DSCAML1: variants seen among roughly 807,000 people sequenced by gnomAD.
The protein encoded by DSCAML1 is DS cell adhesion molecule like 1.
DSCAML1 carries 38 observed loss-of-function variants against 200.5 expected under a neutral mutation model. The observed-to-expected ratio is 0.19, with a 90% CI of 0.15 to 0.25. The LOEUF is 0.25. Ranked by LOEUF, DSCAML1 falls within the 10% of genes least tolerant of loss-of-function variation. DSCAML1 has a pLI of 1.00. For synonymous variants in DSCAML1, 1,215 were observed against 1,165.0 expected (o/e 1.04, Z -0.87); for missense variants, 2,223 against 2,858.8 (o/e 0.78, Z 5.07).
At position 117,588,527 on chromosome 11, in the gene DSCAML1, C is replaced by T. The variant is rs151126551; in HGVS notation, c.512-56005G>A. On this transcript the variant is annotated intron_variant, in intron 3 of 32. Coordinates refer to ENST00000651296, the MANE Select transcript of DSCAML1 (RefSeq NM_020693.4). ...AGCCGGTGCATTGAGGGGTGTGAAG[C>T]GTTTTGTAGGTTATCATGCAAACAC... is the stretch of plus-strand genomic sequence containing the variant. Among the ~76,000 whole-genome samples, 587 of 152,276 alleles carry T rather than the reference C, an allele frequency of 3.9e-3. 4 individuals are homozygous for T. The highest frequency in any genetic ancestry group is 0.012 in the African/African-American group (491 of 41,564).
chr11:117,577,083 T>A lies in DSCAML1; in HGVS notation c.512-44561A>T, dbSNP rs373275946. On this transcript the variant is annotated intron_variant, in intron 3 of 32. Transcript: ENST00000651296. Reference sequence around the variant, plus strand: ...GAGTGTGATGGACGGAGCCCCACATTAGGTAACAGGAGCCTGTGGTCTAAC... The same window carrying A: ...GAGTGTGATGGACGGAGCCCCACATAAGGTAACAGGAGCCTGTGGTCTAAC... Among the ~76,000 whole-genome samples, 78 of 152,252 alleles carry A rather than the reference T, an allele frequency of 5.1e-4. 1 individual carries two copies. In the South Asian group the frequency reaches 0.016, roughly 31 times the overall value.
rs149768648 is a variant in DSCAML1 at position 117,432,703 on chromosome 11, C to T, written c.5027-199G>A. ...TGCTCACTGCAGCCGCCTCAATCTC[C>T]TGGGCTCAAGCTATCCTCCTACCTC... is the stretch of plus-strand genomic sequence containing the variant. On this transcript the variant is annotated intron_variant, in intron 29 of 32. Coordinates refer to ENST00000651296, the MANE Select transcript of DSCAML1 (RefSeq NM_020693.4). 7.4e-3 allele frequency among the ~76,000 whole-genome samples: 1,127 copies of T among 151,918 alleles called. 5 individuals carry two copies. Among genetic ancestry groups the T allele is most frequent in the South Asian group, 0.013 (63 of 4,790 alleles).
At chr11:117,733,246 A>G (rs1184308860) in intron 3 of DSCAML1, among the ~76,000 whole-genome samples, 2 of 152,136 alleles carry the variant, frequency 1.3e-5, no homozygotes, top group African/African-American at 4.8e-5. Context: ...TGCTCTCCCC[A>G]TTTAGGCCCT....
intron 3 of DSCAML1, 66 bp from the exon 4 acceptor site, chr11:117,532,588 CG>C: frequency 6.8e-7 from 1 of 1,479,422 alleles, no homozygotes; most frequent in Non-Finnish European, 9.2e-7. Flanking sequence ...GGCAGGGTAG[CG>C]TCTCTGACAG....
chr11:117,680,672 G>T (rs2053295073), intron 3 of DSCAML1, among the ~76,000 whole-genome samples: 1 of 152,178 alleles, frequency 6.6e-6, no homozygotes, highest in South Asian at 2.1e-4. Flanking sequence ...TTCCTCAGTG[G>T]GATCACCAGG....
chr11:117,745,752 G>A (rs969036569), intron 3 of DSCAML1, among the ~76,000 whole-genome samples: 6 of 152,192 alleles, frequency 3.9e-5, no homozygotes, highest in African/African-American at 9.7e-5. Flanking sequence ...CTCTGCCTGG[G>A]TTCAAATCCC....
At chr11:117,796,992 GC>G in intron 1 of DSCAML1, 41 bp downstream of exon 1, 1 of 1,329,942 alleles carries the variant, frequency 7.5e-7, no homozygotes, top group Non-Finnish European at 9.7e-7. Flanking sequence ...CGCCACCCTG[GC>G]CCCGCCGCCT....
intron 3 of DSCAML1, among the ~76,000 whole-genome samples, chr11:117,693,699 G>A (rs1224288993): frequency 6.6e-6 from 1 of 152,070 alleles, no homozygotes; most frequent in African/African-American, 2.4e-5. Context: ...GGCTTTTGGG[G>A]TCTCAGTTTC....
chr11:117,740,779 T>A (rs1305129301), intron 3 of DSCAML1, among the ~76,000 whole-genome samples: 1 of 152,238 alleles, frequency 6.6e-6, no homozygotes, highest in Non-Finnish European at 1.5e-5. Context: ...GTTCAAGAAA[T>A]GAGGACTGCC....
intron 3 of DSCAML1, among the ~76,000 whole-genome samples, chr11:117,735,483 G>C (rs1394523394): frequency 6.6e-6 from 1 of 152,202 alleles, no homozygotes; most frequent in African/African-American, 2.4e-5. Flanking sequence ...GAGAGGAGAG[G>C]CTGGGCGGGG....
intron 26 of DSCAML1, among the ~76,000 whole-genome samples, chr11:117,436,530 A>G (rs61905266): frequency 1.9e-4 from 22 of 113,298 alleles, no homozygotes; most frequent in Admixed American, 4.7e-4. Context: ...GTGTGTGTGT[A>G]TGTGTGTGTA....
At chr11:117,610,121 G>A (rs1187231984) in intron 3 of DSCAML1, among the ~76,000 whole-genome samples, 1 of 152,192 alleles carries the variant, frequency 6.6e-6, no homozygotes, top group African/African-American at 2.4e-5. Flanking sequence ...CTTTCAAGCT[G>A]TTCTCAACCA....
intron 3 of DSCAML1, among the ~76,000 whole-genome samples, chr11:117,716,613 C>T (rs1304757371): frequency 6.6e-6 from 1 of 152,148 alleles, no homozygotes; most frequent in Admixed American, 6.5e-5. Context: ...AACTCTAAGA[C>T]CTCATGATTC....
At chr11:117,511,003 A>G (rs1202331123) in intron 8 of DSCAML1, among the ~76,000 whole-genome samples, 1 of 152,148 alleles carries the variant, frequency 6.6e-6, no homozygotes, top group Non-Finnish European at 1.5e-5. Context: ...CTTCACCAGT[A>G]GCAGGCACTT....
chr11:117,781,051 C>T (rs999860127), intron 1 of DSCAML1, among the ~76,000 whole-genome samples: 1 of 152,118 alleles, frequency 6.6e-6, no homozygotes, highest in African/African-American at 2.4e-5. Flanking sequence ...AATTCCAGCA[C>T]TTTGGGAGGC....
intron 1 of DSCAML1, among the ~76,000 whole-genome samples, chr11:117,796,583 G>A (rs1344039071): frequency 1.3e-5 from 2 of 152,248 alleles, no homozygotes; most frequent in Non-Finnish European, 1.5e-5. Flanking sequence ...AGGGACGCAC[G>A]GACATAGCGG....
At chr11:117,687,955 G>C (rs1387561384) in intron 3 of DSCAML1, among the ~76,000 whole-genome samples, 1 of 152,186 alleles carries the variant, frequency 6.6e-6, no homozygotes, top group South Asian at 2.1e-4. Context: ...TCTATGGGGA[G>C]TCCTGCGAGG....
At chr11:117,482,695 A>C (rs1353739227) in intron 11 of DSCAML1, among the ~76,000 whole-genome samples, 1 of 152,166 alleles carries the variant, frequency 6.6e-6, no homozygotes, top group Non-Finnish European at 1.5e-5. Context: ...GGTGACAGTC[A>C]CGGGGCTGCT....
intron 14 of DSCAML1, among the ~76,000 whole-genome samples, chr11:117,479,867 C>T (rs1181520171): frequency 2.6e-5 from 4 of 152,052 alleles, no homozygotes; most frequent in East Asian, 1.9e-4. Flanking sequence ...AGACTGGTCT[C>T]GAACTCCTGA....
Sources: allele counts gnomAD v4.1 joint callset (sites outside exome capture counted in the v4.1 genomes callset), GRCh38; gene constraint gnomAD v4.1.1; transcripts MANE v1.5; gene names NCBI Gene and HGNC (gene_info 2026-07-23, HGNC 2026-07-21).